The following MYLK4 variants were observed in gnomAD, a reference collection of about 807,000 sequenced individuals.
MYLK4 encodes caMLCK like.
MYLK4 carries 46 observed loss-of-function variants against 48.1 expected under a neutral mutation model. The observed-to-expected ratio is 0.96, with a 90% CI of 0.75 to 1.22. The LOEUF (loss-of-function observed/expected upper bound fraction) is 1.22, where lower values mean the gene tolerates loss of function less well. Ranked by LOEUF, MYLK4 falls within the 50% of genes most tolerant of loss-of-function variation. The pLI, the probability that MYLK4 is intolerant of heterozygous loss-of-function variation, is 0.00. For synonymous variants in MYLK4, 170 were observed against 180.8 expected, an observed-to-expected ratio of 0.94 and a Z score of 0.48; for missense variants, 451 against 486.1, an observed-to-expected ratio of 0.93 and a Z score of 0.68.
At chr6:2,726,561 A>G (rs1763281055) in intron 2 of MYLK4, among the ~76,000 whole-genome samples, 1 of 151,974 alleles carries the variant, frequency 6.6e-6, no homozygotes, top group African/African-American at 2.4e-5. Flanking sequence ...GGGAACTCCA[A>G]ACTAAAGTAG....
intron 2 of MYLK4, among the ~76,000 whole-genome samples, chr6:2,697,555 G>A (rs1180647818): frequency 6.6e-6 from 1 of 152,186 alleles, no homozygotes; most frequent in East Asian, 1.9e-4. Context: ...ACCTGTCCCA[G>A]TACTACATCA....
In MYLK4 at chr6:2,683,074, A is replaced by C. The variant is rs755994419; in HGVS notation, c.634T>G (p.Cys212Gly). 4.3e-6 allele frequency: 7 copies of C among 1,614,154 alleles called. No homozygotes were observed. The highest frequency in any genetic ancestry group is 5.9e-6 in the Non-Finnish European group (7 of 1,180,016). Reference protein sequence around the residue: ...LDTILFMKQICEGIRHMHQMY... With the variant: ...LDTILFMKQIGEGIRHMHQMY... Reference sequence around the variant, plus strand: ...TGATGCATGTGCCTTATCCCCTCACATATCTGCTTCATGAACAGGATGGTA... The same window carrying C: ...TGATGCATGTGCCTTATCCCCTCACCTATCTGCTTCATGAACAGGATGGTA... The change falls in exon 7 of 13, where the codon TGT becomes GGT. Residue 212 changes from cysteine (C) to glycine (G), a missense_variant. By Grantham distance (159) the Cys-to-Gly change is radical. Transcript: ENST00000274643.
intron 2 of MYLK4, among the ~76,000 whole-genome samples, chr6:2,714,515 C>CA (rs1029006347): frequency 6.6e-6 from 1 of 152,242 alleles, no homozygotes; most frequent in African/African-American, 2.4e-5. Context: ...GTCACTGGCT[C>CA]ATCCTTGAAT....
chr6:2,719,083 G>C (rs1762971096), intron 2 of MYLK4, among the ~76,000 whole-genome samples: 1 of 152,138 alleles, frequency 6.6e-6, no homozygotes, highest in Non-Finnish European at 1.5e-5. Context: ...AGGGAAAACG[G>C]GGCGCTCATT....
chr6:2,766,325 A>G, the MYLK4 span: 28 of 1,610,622 alleles, frequency 1.7e-5, no homozygotes, highest in Admixed American at 3.3e-5. Flanking sequence ...GCGTCCTGAC[A>G]CGCTGCAGGA....
chr6:2,751,864 A>C (rs1161102382), upstream of MYLK4, among the ~76,000 whole-genome samples: 1 of 152,218 alleles, frequency 6.6e-6, no homozygotes, highest in African/African-American at 2.4e-5. Flanking sequence ...AACGCTTGTT[A>C]TTTTTCAGAT....
chr6:2,669,611 C>T (rs576782887), intron 12 of MYLK4, among the ~76,000 whole-genome samples: 28 of 152,146 alleles, frequency 1.8e-4, no homozygotes, highest in African/African-American at 2.4e-4. Flanking sequence ...AGGGTGAAGG[C>T]GAGGGAGAGA....
the MYLK4 span, among the ~76,000 whole-genome samples, chr6:2,756,488 T>C: frequency 6.6e-6 from 1 of 152,196 alleles, no homozygotes; most frequent in African/African-American, 2.4e-5. Flanking sequence ...TATTTAGAAA[T>C]CAAGCCCTGG....
intron 6 of MYLK4, among the ~76,000 whole-genome samples, chr6:2,684,743 G>C: frequency 6.6e-6 from 1 of 152,184 alleles, no homozygotes; most frequent in African/African-American, 2.4e-5. Context: ...CGGGGGGATA[G>C]GCATAAGTTA....
intron 2 of MYLK4, among the ~76,000 whole-genome samples, chr6:2,740,453 C>A (rs1031275949): frequency 3.3e-5 from 5 of 152,226 alleles, no homozygotes; most frequent in African/African-American, 1.2e-4. Context: ...CTCCACAAGA[C>A]CCCCGATGGT....
chr6:2,732,092 C>T (rs1458725166), intron 2 of MYLK4, among the ~76,000 whole-genome samples: 2 of 152,248 alleles, frequency 1.3e-5, no homozygotes, highest in East Asian at 3.9e-4. Context: ...GGATCATAGC[C>T]TCTAAGACGT....
Position 2,666,833 on chromosome 6 carries a change from A to G in MYLK4, c.*1092T>C, listed in dbSNP as rs1321045060. ...AGGAACCTTCCAACTGGAACGTTCC[A>G]ACATTCTCACGTCCAGCAGGTGAGC... is the stretch of plus-strand genomic sequence containing the variant. On this transcript the variant is annotated 3_prime_UTR_variant, in exon 13 of 13. Coordinates refer to ENST00000274643, the MANE Select transcript of MYLK4 (RefSeq NM_001012418.5). 6.6e-6 allele frequency: 1 copy of G among 152,274 alleles called. No homozygotes were observed. The highest frequency in any genetic ancestry group is 1.5e-5 in the Non-Finnish European group (1 of 68,060). The allele number at this position is 152,274 out of a possible 1,614,324, so 9.4% of individuals were successfully genotyped here.
intron 7 of MYLK4, 129 bp downstream of exon 7, chr6:2,682,892 C>A: frequency 1.0e-6 from 1 of 992,328 alleles, no homozygotes; most frequent in Admixed American, 2.0e-5. Context: ...ATGAGGGTAA[C>A]AATTCAGATG....
intron 2 of MYLK4, among the ~76,000 whole-genome samples, chr6:2,730,169 G>GA (rs1419208926): frequency 6.6e-6 from 1 of 152,226 alleles, no homozygotes; most frequent in Non-Finnish European, 1.5e-5. Context: ...GTGAGGGGCT[G>GA]AAAGCAAGCG....
the MYLK4 span, chr6:2,766,322 G>C: frequency 3.1e-6 from 5 of 1,610,622 alleles, no homozygotes; most frequent in East Asian, 8.9e-5. Context: ...GATGCGTCCT[G>C]ACACGCTGCA....
At chr6:2,762,880 G>A in the MYLK4 span, among the ~76,000 whole-genome samples, 1 of 152,152 alleles carries the variant, frequency 6.6e-6, no homozygotes, top group Non-Finnish European at 1.5e-5. Flanking sequence ...TTTGTGGTCT[G>A]ACTGCCTTCA....
At chr6:2,766,290 A>G in the MYLK4 span, 18 of 1,599,454 alleles carry the variant, frequency 1.1e-5, no homozygotes, top group Middle Eastern at 3.5e-4. Flanking sequence ...CAGATGCTAC[A>G]GGGCAAGCCG....
chr6:2,763,131 G>C, the MYLK4 span, among the ~76,000 whole-genome samples: 41 of 152,164 alleles, frequency 2.7e-4, no homozygotes, highest in East Asian at 6.9e-3. Context: ...AGAGCTGATT[G>C]GTCTGATTTG....
rs1761148812 is a variant in MYLK4 at position 2,678,138 on chromosome 6, A to G, written c.1040+82T>C. 2.0e-6 allele frequency: 3 copies of G among 1,507,648 alleles called. No homozygotes were observed. In the Admixed American group the frequency reaches 5.9e-5, roughly 30 times the overall value. The allele number at this position is 1,507,648 out of a possible 1,614,324, so 93.4% of individuals were successfully genotyped here. A position where few individuals can be genotyped will look rare whatever the true frequency, so the allele number is the denominator to read the frequency against. ...AAGCATCACAGATGTTAGTAAGAGAATAAATTCGAACAGCCCTGGTGGTAG... is the reference window on the plus strand; with the variant it reads ...AAGCATCACAGATGTTAGTAAGAGAGTAAATTCGAACAGCCCTGGTGGTAG... On this transcript the variant is annotated intron_variant, in intron 10 of 12. Transcript: ENST00000274643.
Sources: allele counts gnomAD v4.1 joint callset (sites outside exome capture counted in the v4.1 genomes callset), GRCh38; gene constraint gnomAD v4.1.1; transcripts MANE v1.5; gene names NCBI Gene and HGNC (gene_info 2026-07-23, HGNC 2026-07-21).